NPC2: variants seen among roughly 807,000 people sequenced by gnomAD.
The protein encoded by NPC2 is Niemann-Pick disease type C2 protein.
In NPC2, 14 loss-of-function variants were observed where a neutral mutation model predicts 17.0. That is an observed-to-expected ratio of 0.82 (90% CI 0.54 to 1.29). The LOEUF is 1.29. Among genes scored for constraint, NPC2 ranks in the 50% most tolerant of loss-of-function variants. The pLI is 0.00. For synonymous variants in NPC2, 75 were observed against 69.3 expected, an observed-to-expected ratio of 1.08 and a Z score of -0.41; for missense variants, 167 against 183.4, an observed-to-expected ratio of 0.91 and a Z score of 0.52.
intron 3 of NPC2, 135 bp downstream of exon 3, chr14:74,484,280 C>G (rs1228067407): frequency 1.1e-6 from 1 of 928,206 alleles, no homozygotes; most frequent in African/African-American, 1.7e-5. Flanking sequence ...CCGCACCTAT[C>G]TCCTTTCCCT....
chr14:74,489,094 A>G (rs1157055594), intron 1 of NPC2, among the ~76,000 whole-genome samples: 1 of 152,252 alleles, frequency 6.6e-6, no homozygotes, highest in Non-Finnish European at 1.5e-5. Context: ...ACAGAGGTTA[A>G]GGTCTTTATA....
Sources: allele counts gnomAD v4.1 joint callset (sites outside exome capture counted in the v4.1 genomes callset), GRCh38; gene constraint gnomAD v4.1.1; transcripts MANE v1.5; gene names NCBI Gene and HGNC (gene_info 2026-07-23, HGNC 2026-07-21).